OR6N1: variants seen among roughly 807,000 people sequenced by gnomAD.
OR6N1 encodes the protein olfactory receptor family 6 subfamily N member 1, also known as olfactory receptor 6N1.
For synonymous variants in OR6N1, 170 were observed against 150.7 expected, an observed-to-expected ratio of 1.13 and a Z score of -0.94; for missense variants, 394 against 371.7, an observed-to-expected ratio of 1.06 and a Z score of -0.49.
the OR6N1 span, among the ~76,000 whole-genome samples, chr1:158,826,774 AGAT>A: frequency 6.6e-6 from 1 of 152,170 alleles, no homozygotes; most frequent in Non-Finnish European, 1.5e-5. Context: ...GGATGAGAGA[AGAT>A]GATTAAATCT....
chr1:158,806,117 G>C, the OR6N1 span, among the ~76,000 whole-genome samples: 5 of 152,142 alleles, frequency 3.3e-5, no homozygotes, highest in African/African-American at 1.2e-4. Flanking sequence ...GCCCATAATA[G>C]TTCCTGCAAA....
At chr1:158,782,945 A>G in the OR6N1 span, among the ~76,000 whole-genome samples, 1 of 152,206 alleles carries the variant, frequency 6.6e-6, no homozygotes, top group South Asian at 2.1e-4. Context: ...TCTTGTACAT[A>G]GTAAGTGATT....
At chr1:158,777,559 C>T in the OR6N1 span, 1 of 1,614,038 alleles carries the variant, frequency 6.2e-7, no homozygotes, top group South Asian at 1.1e-5. Flanking sequence ...GACAAAAAGC[C>T]AGCCCCTGAC....
the OR6N1 span, among the ~76,000 whole-genome samples, chr1:158,806,772 C>T: frequency 1.3e-5 from 2 of 151,812 alleles, no homozygotes; most frequent in Non-Finnish European, 2.9e-5. Context: ...AAAATGGCAA[C>T]ACCTGAATTT....
upstream of OR6N1, chr1:158,774,723 T>C (rs1190685828): frequency 6.7e-6 from 1 of 148,344 alleles, no homozygotes; most frequent in Non-Finnish European, 1.5e-5. Flanking sequence ...AAAAAAAAAA[T>C]ACAGATCCAG....
chr1:158,796,889 T>C, the OR6N1 span, among the ~76,000 whole-genome samples: 1 of 152,158 alleles, frequency 6.6e-6, no homozygotes, highest in South Asian at 2.1e-4. Flanking sequence ...CTTTTTTTTT[T>C]TTTTGTAGGT....
the OR6N1 span, among the ~76,000 whole-genome samples, chr1:158,800,081 A>G: frequency 3.3e-5 from 5 of 152,184 alleles, no homozygotes; most frequent in African/African-American, 4.8e-5. Flanking sequence ...ACCTTAATTA[A>G]TTAAGTTATT....
At chr1:158,771,156 T>G (rs6427449) in intron 1 of OR6N1, among the ~76,000 whole-genome samples, 1 of 152,058 alleles carries the variant, frequency 6.6e-6, no homozygotes, top group Non-Finnish European at 1.5e-5. Flanking sequence ...GTCTGTCATT[T>G]TTTTCCCTGA....
At chr1:158,793,577 T>C in the OR6N1 span, among the ~76,000 whole-genome samples, 3 of 152,206 alleles carry the variant, frequency 2.0e-5, no homozygotes, top group Non-Finnish European at 4.4e-5. Flanking sequence ...CTTTGTACAG[T>C]AACTTTCTCA....
chr1:158,830,939 C>G, the OR6N1 span, among the ~76,000 whole-genome samples: 1 of 152,108 alleles, frequency 6.6e-6, no homozygotes, highest in Non-Finnish European at 1.5e-5. Flanking sequence ...GTAGACCCAC[C>G]CCTATCCAAG....
At chr1:158,791,887 T>A in the OR6N1 span, among the ~76,000 whole-genome samples, 2 of 152,232 alleles carry the variant, frequency 1.3e-5, no homozygotes, top group Non-Finnish European at 2.9e-5. Context: ...GGGTAGTAAG[T>A]TCTGTAAATA....
At chr1:158,798,583 T>A in the OR6N1 span, among the ~76,000 whole-genome samples, 1 of 151,964 alleles carries the variant, frequency 6.6e-6, no homozygotes, top group Non-Finnish European at 1.5e-5. Flanking sequence ...CAGAGGTCTA[T>A]ATTATATTAA....
At chr1:158,832,413 T>C in the OR6N1 span, among the ~76,000 whole-genome samples, 1 of 152,030 alleles carries the variant, frequency 6.6e-6, no homozygotes, top group South Asian at 2.1e-4. Flanking sequence ...GTTCTTTCAG[T>C]AACTGAGAGA....
chr1:158,782,685 T>A, the OR6N1 span, among the ~76,000 whole-genome samples: 1 of 152,230 alleles, frequency 6.6e-6, no homozygotes, highest in Admixed American at 6.5e-5. Flanking sequence ...TCTTAATGAA[T>A]CTTACTTGTT....
At chr1:158,806,506 G>T in the OR6N1 span, among the ~76,000 whole-genome samples, 1 of 152,082 alleles carries the variant, frequency 6.6e-6, no homozygotes, top group African/African-American at 2.4e-5. Context: ...GAGGTGGAGG[G>T]AATTTAAGTG....
chr1:158,817,118 G>T, the OR6N1 span, among the ~76,000 whole-genome samples: 2 of 152,280 alleles, frequency 1.3e-5, no homozygotes, highest in East Asian at 3.9e-4. Context: ...GAGTACGAAG[G>T]TTTTCAGAAA....
At chr1:158,766,859 C>T (rs981722574) in intron 1 of OR6N1, among the ~76,000 whole-genome samples, 159 bp from the exon 2 acceptor site, 5 of 152,128 alleles carry the variant, frequency 3.3e-5, no homozygotes, top group African/African-American at 1.2e-4. Context: ...TCCATCCCTC[C>T]CTGCCCTTCC....
chr1:158,790,403 T>TTC, the OR6N1 span, among the ~76,000 whole-genome samples: 1 of 149,554 alleles, frequency 6.7e-6, no homozygotes, highest in African/African-American at 2.5e-5. Flanking sequence ...ATAGGGAATT[T>TTC]TTTTTTTTTT....
the OR6N1 span, among the ~76,000 whole-genome samples, chr1:158,796,778 A>G: frequency 6.6e-6 from 1 of 151,460 alleles, no homozygotes; most frequent in South Asian, 2.1e-4. Context: ...GTGTATGTAC[A>G]TTTGTCTTTA....
Sources: gnomAD v4.1 joint callset for allele counts (sites outside exome capture counted in the v4.1 genomes callset) on GRCh38, gnomAD v4.1.1 for gene constraint, MANE v1.5 for transcripts, NCBI Gene and HGNC (gene_info 2026-07-23, HGNC 2026-07-21) for gene names.